Variants in CGNL1 observed in about 807,000 individuals in gnomAD.
The protein encoded by CGNL1 is cingulin-like protein 1.
In CGNL1, 132 loss-of-function variants were observed where a neutral mutation model predicts 141.2. The observed-to-expected ratio is 0.93, with a 90% CI of 0.81 to 1.08. The LOEUF is 1.08. Ranked by LOEUF, CGNL1 falls within the 50% of genes least tolerant of loss-of-function variation. The pLI, the probability that CGNL1 is intolerant of heterozygous loss-of-function variation, is 0.00. For synonymous variants in CGNL1, 690 were observed against 622.1 expected (o/e 1.11, Z -1.63); for missense variants, 1,870 against 1,588.6 (o/e 1.18, Z -3.01).
chr15:57,530,614 G>A (rs2031895795), intron 13 of CGNL1, among the ~76,000 whole-genome samples: 1 of 152,160 alleles, frequency 6.6e-6, no homozygotes, highest in South Asian at 2.1e-4. Flanking sequence ...GGAGGCATCA[G>A]GAACCACTGA....
chr15:57,521,525 G>T (rs1347761296), intron 10 of CGNL1, among the ~76,000 whole-genome samples: 1 of 152,168 alleles, frequency 6.6e-6, no homozygotes, highest in African/African-American at 2.4e-5. Flanking sequence ...TAGACAGAAA[G>T]TCTCTCCCTT....
chr15:57,536,797 T>C (rs891148476), intron 14 of CGNL1, among the ~76,000 whole-genome samples: 1 of 152,182 alleles, frequency 6.6e-6, no homozygotes, highest in Non-Finnish European at 1.5e-5. Flanking sequence ...AGTGACTACA[T>C]AGGGTCACAC....
chr15:57,449,854 G>A (rs1403224557), intron 4 of CGNL1, among the ~76,000 whole-genome samples: 2 of 152,080 alleles, frequency 1.3e-5, no homozygotes, highest in African/African-American at 2.4e-5. Flanking sequence ...CCTTAGTAGT[G>A]TGCATTTTTT....
chr15:57,440,220 T>C (rs533760285), intron 2 of CGNL1, among the ~76,000 whole-genome samples, 157 bp from the exon 3 acceptor site: 8 of 151,892 alleles, frequency 5.3e-5, no homozygotes, highest in African/African-American at 1.9e-4. Flanking sequence ...GGTGAGAAAA[T>C]TGAGGCGAGG....
Position 57,438,366 on chromosome 15 carries a change from C to A in CGNL1, c.367C>A (p.His123Asn). The change falls in exon 2 of 19, where the codon CAT becomes AAT. Residue 123 changes from histidine to asparagine, a missense_variant. Coordinates refer to ENST00000281282, the MANE Select transcript of CGNL1 (RefSeq NM_032866.5). ...PIRNLKQPLLHEGKNGVLDRK... is the reference protein window; with the variant it reads ...PIRNLKQPLLNEGKNGVLDRK... ...AAGAAACCTGAAACAGCCCCTGCTCCATGAGGGCAAGAATGGAGTTCTAGA... is the reference window on the plus strand; with the variant it reads ...AAGAAACCTGAAACAGCCCCTGCTCAATGAGGGCAAGAATGGAGTTCTAGA... 6.2e-7 allele frequency: 1 copy of A among 1,614,192 alleles called. No homozygotes were observed. The highest frequency in any genetic ancestry group is 8.5e-7 in the Non-Finnish European group (1 of 1,180,040).
intron 8 of CGNL1, among the ~76,000 whole-genome samples, chr15:57,496,186 T>A (rs1267008935): frequency 6.6e-6 from 1 of 152,162 alleles, no homozygotes; most frequent in Non-Finnish European, 1.5e-5. Context: ...CCAAACAGCC[T>A]TAGTTCCTTA....
At chr15:57,388,579 C>T (rs934521554) in intron 1 of CGNL1, among the ~76,000 whole-genome samples, 1 of 152,234 alleles carries the variant, frequency 6.6e-6, no homozygotes, top group Non-Finnish European at 1.5e-5. Flanking sequence ...TGTACTGACA[C>T]TTCACTTTGG....
intron 1 of CGNL1, among the ~76,000 whole-genome samples, chr15:57,435,607 T>C (rs1382301063): frequency 1.3e-5 from 2 of 152,090 alleles, no homozygotes; most frequent in African/African-American, 4.8e-5. Context: ...TGAATGTACC[T>C]CTCTGAGTTG....
chr15:57,520,569 T>A (rs8034379), intron 10 of CGNL1, among the ~76,000 whole-genome samples: 54,357 of 152,152 alleles, frequency 0.36, 10,290 homozygotes, highest in Non-Finnish European at 0.43. Flanking sequence ...AGGACTGTGT[T>A]GCTGTCTAGG....
At chr15:57,446,262 A>T (rs952026567) in intron 4 of CGNL1, among the ~76,000 whole-genome samples, 8 of 152,186 alleles carry the variant, frequency 5.3e-5, no homozygotes, top group Non-Finnish European at 8.8e-5. Context: ...TATACAGTTC[A>T]TTGAATTTTT....
chr15:57,392,080 A>T (rs192353338), intron 1 of CGNL1, among the ~76,000 whole-genome samples: 16 of 152,256 alleles, frequency 1.1e-4, no homozygotes, highest in Admixed American at 2.0e-4. Context: ...AATTTCTGGA[A>T]CCAAGAATTT....
At chr15:57,478,536 C>A (rs760149177) in intron 8 of CGNL1, among the ~76,000 whole-genome samples, 23 of 152,160 alleles carry the variant, frequency 1.5e-4, no homozygotes, top group Non-Finnish European at 2.9e-4. Context: ...AAGCCTGCTC[C>A]AGAGCAGTGA....
intron 8 of CGNL1, among the ~76,000 whole-genome samples, chr15:57,510,489 G>A (rs775707919): frequency 2.6e-5 from 4 of 152,170 alleles, no homozygotes; most frequent in Non-Finnish European, 5.9e-5. Context: ...TGTTAGGATG[G>A]GACATGTGTC....
intron 8 of CGNL1, among the ~76,000 whole-genome samples, chr15:57,499,238 CTTTTTTTTTTTTT>C (rs201081475): frequency 0.2 from 18,597 of 93,082 alleles, 2,154 homozygotes; most frequent in East Asian, 0.58. Context: ...AAGTTAATGG[CTTTTTTTTTTTTT>C]TTTTTTTTTT....
At chr15:57,409,134 C>G (rs2062757818) in intron 1 of CGNL1, among the ~76,000 whole-genome samples, 1 of 151,622 alleles carries the variant, frequency 6.6e-6, no homozygotes, top group South Asian at 2.1e-4. Flanking sequence ...TAGGAACTAA[C>G]CACGTGCACA....
intron 8 of CGNL1, among the ~76,000 whole-genome samples, chr15:57,470,813 G>A (rs1371874689): frequency 6.6e-6 from 1 of 152,202 alleles, no homozygotes; most frequent in Non-Finnish European, 1.5e-5. Flanking sequence ...TGAGGTATGT[G>A]CAGAGTAGGA....
intron 1 of CGNL1, among the ~76,000 whole-genome samples, chr15:57,429,399 G>C (rs2063017688): frequency 6.6e-6 from 1 of 152,216 alleles, no homozygotes; most frequent in Non-Finnish European, 1.5e-5. Flanking sequence ...CTGCAGGGGT[G>C]CAGTGATGAG....
intron 3 of CGNL1, 24 bp downstream of exon 3, chr15:57,440,495 A>T: frequency 2.0e-6 from 3 of 1,506,676 alleles, no homozygotes; most frequent in Non-Finnish European, 1.8e-6. Context: ...CCTCTGAAAG[A>T]GCAAAGTATT....
intron 1 of CGNL1, among the ~76,000 whole-genome samples, chr15:57,414,664 C>CAACAAT (rs2062828691): frequency 6.6e-6 from 1 of 151,930 alleles, no homozygotes; most frequent in South Asian, 2.1e-4. Context: ...AAAACCAAAA[C>CAACAAT]AACAACAACA....
Sources: gnomAD v4.1 joint callset for allele counts (sites outside exome capture counted in the v4.1 genomes callset) on GRCh38, gnomAD v4.1.1 for gene constraint, MANE v1.5 for transcripts, NCBI Gene and HGNC (gene_info 2026-07-23, HGNC 2026-07-21) for gene names.